Variants in LDHAL6A observed in about 807,000 individuals in gnomAD.
LDHAL6A encodes the protein lactate dehydrogenase A like 6A.
A neutral mutation model predicts 28.2 loss-of-function variants in LDHAL6A; 19 were observed. The observed-to-expected ratio is 0.67, with a 90% CI of 0.47 to 0.99. LDHAL6A has a LOEUF of 0.99. Among genes scored for constraint, LDHAL6A ranks in the 50% least tolerant of loss-of-function variants. The pLI is 0.00. For missense variants in LDHAL6A, 372 were observed against 398.6 expected (o/e 0.93, Z 0.57); for synonymous variants, 144 against 134.4 (o/e 1.07, Z -0.49).
intron 2 of LDHAL6A, among the ~76,000 whole-genome samples, chr11:18,465,138 G>T (rs1461067733): frequency 6.6e-6 from 1 of 151,656 alleles, no homozygotes; most frequent in Non-Finnish European, 1.5e-5. Flanking sequence ...AATTTAGGAG[G>T]TTTTTGTTTT....
intron 3 of LDHAL6A, among the ~76,000 whole-genome samples, chr11:18,469,533 T>C (rs918474923): frequency 5.3e-5 from 8 of 152,232 alleles, no homozygotes; most frequent in Admixed American, 1.3e-4. Flanking sequence ...TTCTACATTT[T>C]ATATACTGGC....
intron 5 of LDHAL6A, among the ~76,000 whole-genome samples, chr11:18,477,176 G>A (rs1018287936): frequency 5.3e-5 from 8 of 151,866 alleles, no homozygotes; most frequent in African/African-American, 1.9e-4. Context: ...ATATGGCCGG[G>A]CGTGGTGGCT....
chr11:18,458,185 G>A (rs534621740), intron 1 of LDHAL6A, among the ~76,000 whole-genome samples: 56 of 152,246 alleles, frequency 3.7e-4, no homozygotes, highest in African/African-American at 1.3e-3. Context: ...GTGCCATGGG[G>A]CTGCACTTGT....
At position 18,477,787 on chromosome 11, in the gene LDHAL6A, A is replaced by AGG. The variant is rs1849427475; in HGVS notation, c.834+49_834+50dup. On this transcript the variant is annotated intron_variant, in intron 6 of 6. Transcript: ENST00000280706. Reference sequence around the variant, plus strand: ...AAAAATCATTAACTCAACATAAAATAGGGGGGTAAAGAACATTTTTGAGGC... The same window carrying AGG: ...AAAAATCATTAACTCAACATAAAATAGGGGGGGGTAAAGAACATTTTTGAGGC... 3.9e-6 allele frequency: 6 copies of AGG among 1,552,136 alleles called. No homozygotes were observed. In the African/African-American group the frequency reaches 8.3e-5, roughly 21 times the overall value.
At chr11:18,466,404 G>C (rs996199632) in intron 3 of LDHAL6A, among the ~76,000 whole-genome samples, 1 of 152,098 alleles carries the variant, frequency 6.6e-6, no homozygotes, top group African/African-American at 2.4e-5. Flanking sequence ...TGTAATCCCA[G>C]CACTTTGGGA....
rs1848754679 is a variant in LDHAL6A at position 18,456,381 on chromosome 11, TTGGTGGA to T, written c.-299_-293del. 1 of 276,186 alleles carries T rather than the reference TTGGTGGA, an allele frequency of 3.6e-6. No homozygotes were observed. The highest frequency in any genetic ancestry group is 6.8e-6 in the Non-Finnish European group (1 of 147,102). The allele number at this position is 276,186 out of a possible 1,614,324, so 17.1% of individuals were successfully genotyped here. On this transcript the variant is annotated 5_prime_UTR_variant, in exon 1 of 7. It removes the in-frame stop codon of an upstream open reading frame in the 5' UTR. Transcript: ENST00000280706. ...TGCCGTCCCAGCTGTAGTTTCATGT[TTGGTGGA>T]GCAACCCCTGTTCCTTTCCTCTCTC...
At position 18,475,633 on chromosome 11, in the gene LDHAL6A, T is replaced by C; in HGVS notation, c.586T>C (p.Ser196Pro). 1 of 1,612,642 alleles carries C rather than the reference T, an allele frequency of 6.2e-7. No homozygotes were observed. Residue 196 changes from serine (S) to proline (P), a missense_variant, in exon 4 of 7, where the codon TCA becomes CCA. Around this residue, in one of 3 missense-constraint regions of LDHAL6A, gnomAD observed 291 missense variants for 302.9 expected, o/e 0.96. Transcript: ENST00000280706. ...HGLILGEHGD[S>P]SVPVWSGVNI... ...GCTGATCCTTGGAGAGCATGGCGAC[T>C]CAAGTGGTAAGCCTGAGGCACGATT...
In LDHAL6A at chr11:18,476,468, A is replaced by G. The variant is rs1167087801; in HGVS notation, c.677A>G (p.Gln226Arg). 1.2e-6 allele frequency: 2 copies of G among 1,614,052 alleles called. No individual in the cohort carries two copies. The highest frequency in any genetic ancestry group is 1.7e-6 in the Non-Finnish European group (2 of 1,179,958). The change falls in exon 5 of 7, where the codon CAG becomes CGG. Residue 226 changes from glutamine to arginine, a missense_variant. Gln to Arg is a conservative substitution (Grantham distance 43). This residue lies in a region of LDHAL6A where 291 missense variants were observed against 302.9 expected (regional missense o/e 0.96). Coordinates refer to ENST00000280706, the MANE Select transcript of LDHAL6A (RefSeq NM_144972.5). ...ATAGGAACTGATAAAGATCCTGAGC[A>G]GTGGGAAAATGTCCACAAAAAAGTG... ...PDIGTDKDPE[Q>R]WENVHKKVIS...
chr11:18,472,729 A>G (rs950142324), intron 3 of LDHAL6A, among the ~76,000 whole-genome samples: 3 of 152,246 alleles, frequency 2.0e-5, no homozygotes, highest in African/African-American at 7.2e-5. Context: ...ACAAATGCCT[A>G]AAATACTATT....
chr11:18,457,784 C>T (rs185107196), intron 1 of LDHAL6A, among the ~76,000 whole-genome samples: 1,870 of 152,212 alleles, frequency 0.012, 14 homozygotes, highest in Non-Finnish European at 0.019. Context: ...CAGGAGGTCT[C>T]GGCTTCCTAA....
rs1456537887 is a variant in LDHAL6A at position 18,456,717 on chromosome 11, G to A, written c.37G>A (p.Ala13Thr). ...TIKSELIKNF[A>T]EEEAIHHNKI... ...CAAGAGTGAACTTATTAAGAATTTC[G>A]CGGAAGAGGAGGCCATTCATCACAA... Residue 13 changes from alanine (A) to threonine (T), a missense_variant, in exon 1 of 7, where the codon GCG (alanine) becomes ACG (threonine). Coordinates refer to ENST00000280706, the MANE Select transcript of LDHAL6A (RefSeq NM_144972.5). The A allele has an allele frequency of 3.7e-6, 6 of 1,613,762 alleles. No individual in the cohort carries two copies. Among genetic ancestry groups the A allele is most frequent in the Middle Eastern group, 1.6e-4 (1 of 6,084 alleles).
chr11:18,461,140 G>A (rs533514605), intron 1 of LDHAL6A, among the ~76,000 whole-genome samples: 75 of 146,050 alleles, frequency 5.1e-4, no homozygotes, highest in African/African-American at 1.9e-3. Flanking sequence ...GCCCGGCCTT[G>A]GTCATTTACT....
At position 18,478,720 on chromosome 11, in the gene LDHAL6A, A is replaced by G. The variant is rs747125225; in HGVS notation, c.849A>G (p.Ile283Met). 1 of 1,608,534 alleles carries G rather than the reference A, an allele frequency of 6.2e-7. No individual in the cohort carries two copies. Among genetic ancestry groups the G allele is most frequent in the South Asian group, 1.1e-5 (1 of 89,948 alleles). ...VSTLSKGLYGINEDIFLSVPC... is the reference protein window; with the variant it reads ...VSTLSKGLYGMNEDIFLSVPC... ...TTTACTTTCAGGGCCTCTATGGAAT[A>G]AATGAAGACATATTCCTTAGTGTCC... Residue 283 changes from isoleucine (I) to methionine (M), a missense_variant, in exon 7 of 7, where the codon ATA (isoleucine) becomes ATG (methionine). By Grantham distance (10) the Ile-to-Met change is conservative. Around this residue, in one of 3 missense-constraint regions of LDHAL6A, gnomAD observed 291 missense variants for 302.9 expected, o/e 0.96. Transcript: ENST00000280706.
At chr11:18,464,380 A>G (rs2133869311) in intron 2 of LDHAL6A, among the ~76,000 whole-genome samples, 1 of 152,034 alleles carries the variant, frequency 6.6e-6, no homozygotes, top group South Asian at 2.1e-4. Flanking sequence ...CCTGAGCACA[A>G]CTCTATTTTA....
At chr11:18,465,441 T>TTA (rs1554967098) in intron 2 of LDHAL6A, among the ~76,000 whole-genome samples, 196 bp from the exon 3 acceptor site, 3 of 150,208 alleles carry the variant, frequency 2.0e-5, no homozygotes, top group African/African-American at 7.4e-5. Context: ...TTTTTTTTTT[T>TTA]TTATTATTAA....
In LDHAL6A at chr11:18,467,926, C is replaced by CACATATATATATATATATATACACACAT. The variant is rs1362184550; in HGVS notation, c.418+2117_418+2118insCATATATATATATATATATACACACATA. On this transcript the variant is annotated intron_variant, in intron 3 of 6. Coordinates refer to ENST00000280706, the MANE Select transcript of LDHAL6A (RefSeq NM_144972.5). ...ATATATATATATATATATACACACA[C>CACATATATATATATATATATACACACAT]ATATATATATACACACACATATATA... Among the ~76,000 whole-genome samples, 14 of 55,444 alleles carry CACATATATATATATATATATACACACAT rather than the reference C, an allele frequency of 2.5e-4. 1 individual carries two copies. The highest frequency in any genetic ancestry group is 1.3e-3 in the African/African-American group (14 of 10,400). The allele number at this position is 55,444 out of a possible 152,430, so 36.4% of individuals were successfully genotyped here.
Position 18,464,015 on chromosome 11 carries a change from G to T in LDHAL6A, c.181G>T (p.Glu61Ter), listed in dbSNP as rs777052702. The change falls in exon 2 of 7, where the codon GAG (glutamate) becomes TAG (stop). Residue 61 changes from glutamate (E) to a stop codon, truncating the protein, a stop_gained. Coordinates refer to ENST00000280706, the MANE Select transcript of LDHAL6A (RefSeq NM_144972.5). LOFTEE classifies it high-confidence loss of function. ...VDVDEGKLKG[E>*]TMDLQHGSPF... ...TGTTGATGAAGGCAAACTGAAGGGT[G>T]AGACAATGGATCTTCAACATGGCAG... 3 of 1,614,052 alleles carry T rather than the reference G, an allele frequency of 1.9e-6. No homozygotes were observed. The highest frequency in any genetic ancestry group is 3.3e-5 in the Admixed American group (2 of 60,016).
chr11:18,475,764 C>A, intron 4 of LDHAL6A, 125 bp downstream of exon 4: 2 of 681,320 alleles, frequency 2.9e-6, no homozygotes, highest in Non-Finnish European at 4.4e-6. Flanking sequence ...CTTTTAGTAG[C>A]GTTTAATTTT....
chr11:18,465,735 T>G lies in LDHAL6A; in HGVS notation c.343T>G (p.Ser115Ala). 3 of 1,613,672 alleles carry G rather than the reference T, an allele frequency of 1.9e-6. No homozygotes were observed. Among genetic ancestry groups the G allele is most frequent in the Non-Finnish European group, 2.5e-6 (3 of 1,179,586 alleles). ...TRLDLVQRNV[S>A]IFKLMIPNIT... ...CCTTGATTTAGTCCAGCGAAATGTA[T>G]CCATCTTTAAATTAATGATTCCCAA... Residue 115 changes from serine to alanine, a missense_variant, in exon 3 of 7, where the codon TCC becomes GCC. Coordinates refer to ENST00000280706, the MANE Select transcript of LDHAL6A (RefSeq NM_144972.5).
Sources: allele counts gnomAD v4.1 joint callset (sites outside exome capture counted in the v4.1 genomes callset), GRCh38; gene constraint gnomAD v4.1.1; regional missense constraint gnomAD v4.1.1; transcripts MANE v1.5; gene names NCBI Gene and HGNC (gene_info 2026-07-23, HGNC 2026-07-21).